NTMT2: variants seen among roughly 807,000 people sequenced by gnomAD.
The protein encoded by NTMT2 is N-terminal Xaa-Pro-Lys N-methyltransferase 2.
NTMT2 carries 21 observed loss-of-function variants against 23.4 expected under a neutral mutation model. The ratio of observed to expected loss-of-function variants is 0.90; its 90% CI spans 0.64 to 1.29. The LOEUF (loss-of-function observed/expected upper bound fraction) is 1.29, where lower values mean the gene tolerates loss of function less well. NTMT2 is among the 50% of genes most tolerant of loss of function. NTMT2 has a pLI of 0.00. For missense variants in NTMT2, 336 were observed against 352.0 expected (o/e 0.95, Z 0.36); for synonymous variants, 131 against 127.7 (o/e 1.03, Z -0.17).
chr1:170,152,465 C>G (rs1050931456), intron 1 of NTMT2, among the ~76,000 whole-genome samples: 1 of 152,170 alleles, frequency 6.6e-6, no homozygotes, highest in African/African-American at 2.4e-5. Flanking sequence ...AGTAGATTGT[C>G]TTTCCCCAAT....
chr1:170,146,150 C>G lies in NTMT2; in HGVS notation c.43C>G (p.Gln15Glu). ...CCATTTTGCCTTTAGATCCCGCTGG[C>G]AGAAGACCGACGATGAACTCTGTAG... ...GAHFAFRSRW[Q>E]KTDDELCRHS... is the part of the protein sequence containing the mutation. The change falls in exon 1 of 4, where the codon CAG (glutamine) becomes GAG (glutamate). Residue 15 changes from glutamine to glutamate, a missense_variant. Coordinates refer to ENST00000439373, the MANE Select transcript of NTMT2 (RefSeq NM_001136107.2). 1 of 1,551,496 alleles carries G rather than the reference C, an allele frequency of 6.4e-7. No homozygotes were observed.
intron 1 of NTMT2, among the ~76,000 whole-genome samples, chr1:170,146,740 C>T (rs531673242): frequency 4.1e-4 from 62 of 152,248 alleles, no homozygotes; most frequent in East Asian, 5.8e-4. Flanking sequence ...CAATCCTCTG[C>T]GGTCTTCTTG....
At position 170,145,973 on chromosome 1, in the gene NTMT2, C is replaced by T; in HGVS notation, c.-135C>T. 1 of 823,844 alleles carries T rather than the reference C, an allele frequency of 1.2e-6. No individual in the cohort carries two copies. The highest frequency in any genetic ancestry group is 1.8e-6 in the Non-Finnish European group (1 of 544,418). The allele number at this position is 823,844 out of a possible 1,614,324, so 51.0% of individuals were successfully genotyped here. A position where few individuals can be genotyped will look rare whatever the true frequency, so the allele number is the denominator to read the frequency against. On this transcript the variant is annotated 5_prime_UTR_variant, in exon 1 of 4. Coordinates refer to ENST00000439373, the MANE Select transcript of NTMT2 (RefSeq NM_001136107.2). ...CCCTCCTCCCCACACCCATGACAGC[C>T]TGTCCTGATATAGATGGAGAGGGGA...
In NTMT2 at chr1:170,166,534, G is replaced by A. The variant is rs1272098058; in HGVS notation, c.363G>A (p.Leu121=). The A allele has an allele frequency of 1.3e-6, 2 of 1,552,260 alleles. No homozygotes were observed. The highest frequency in any genetic ancestry group is 8.7e-7 in the Non-Finnish European group (1 of 1,147,126). The change falls in exon 3 of 4, where the codon TTG becomes TTA. Residue 121 remains leucine, a synonymous_variant. Coordinates refer to ENST00000439373, the MANE Select transcript of NTMT2 (RefSeq NM_001136107.2). ...GGAGAGCTGGAACAGACTGCGCCTT[G>A]GACTGCGGCTCCGGGATAGGAAGGG... The part of the protein sequence containing the change: ...GPGRAGTDCA[L]DCGSGIGRVS...
chr1:170,157,570 G>T (rs1033323513), intron 1 of NTMT2, among the ~76,000 whole-genome samples: 1 of 151,880 alleles, frequency 6.6e-6, no homozygotes, highest in Non-Finnish European at 1.5e-5. Context: ...TGTATTTTTT[G>T]GATTTTTAAC....
chr1:170,156,634 T>C (rs1181882637), intron 1 of NTMT2, among the ~76,000 whole-genome samples: 1 of 152,150 alleles, frequency 6.6e-6, no homozygotes, highest in African/African-American at 2.4e-5. Context: ...AAAAGCCATG[T>C]GCTGGTGACT....
rs1241937285 is a variant in NTMT2, at chr1:170,166,768, T to A, written c.580+17T>A. On this transcript the variant is annotated intron_variant, in intron 3 of 3. Transcript: ENST00000439373. ...GGGTCTCTGGTTAGTCCTGCATGAC[T>A]TTCCCTCTGCTTTTCTCCCCTTCTC... 3 of 1,550,132 alleles carry A rather than the reference T, an allele frequency of 1.9e-6. No individual in the cohort carries two copies. The African/African-American group carries it at 4.1e-5, about 21-fold the overall frequency.
intron 2 of NTMT2, among the ~76,000 whole-genome samples, chr1:170,164,801 T>C (rs531450149): frequency 6.6e-6 from 1 of 152,344 alleles, no homozygotes; most frequent in Non-Finnish European, 1.5e-5. Flanking sequence ...CTATGAAATA[T>C]TAGAAATCTG....
Position 170,148,825 on chromosome 1 carries a change from A to T in NTMT2, c.154+2564A>T, listed in dbSNP as rs114423332. On this transcript the variant is annotated intron_variant, in intron 1 of 3. Coordinates refer to ENST00000439373, the MANE Select transcript of NTMT2 (RefSeq NM_001136107.2). Reference sequence around the variant, plus strand: ...AGGCTTTGCCAGCTGGAACATCACTAGTCACCAGGCAAGCAAATAGAGCAG... The same window carrying T: ...AGGCTTTGCCAGCTGGAACATCACTTGTCACCAGGCAAGCAAATAGAGCAG... 3.4e-3 allele frequency among the ~76,000 whole-genome samples: 517 copies of T among 152,294 alleles called. 1 individual carries two copies. The highest frequency in any genetic ancestry group is 0.012 in the African/African-American group (486 of 41,562).
At position 170,166,712 on chromosome 1, in the gene NTMT2, T is replaced by A; in HGVS notation, c.541T>A (p.Phe181Ile). Residue 181 changes from phenylalanine (F) to isoleucine (I), a missense_variant, in exon 3 of 4, where the codon TTC (phenylalanine) becomes ATC (isoleucine). Phe to Ile is a conservative substitution (Grantham distance 21). Transcript: ENST00000439373. The part of the protein sequence containing the change: ...CYSLQEFTPP[F>I]RRYDVIWIQW... ...CAGCCTGCAGGAATTCACACCCCCC[T>A]TCAGGAGATATGATGTCATCTGGAT... is the stretch of plus-strand genomic sequence containing the variant. 3.9e-6 allele frequency: 6 copies of A among 1,552,286 alleles called. No individual in the cohort carries two copies. Among genetic ancestry groups the A allele is most frequent in the Non-Finnish European group, 5.2e-6 (6 of 1,147,106 alleles).
rs1673444045 is a variant in NTMT2 at position 170,168,509 on chromosome 1, G to A, written c.*752G>A. On this transcript the variant is annotated 3_prime_UTR_variant, in exon 4 of 4. Transcript: ENST00000439373. ...TAATTTTCTCTTTAGCCTTTCTCTT[G>A]GCAGAAAAGGTATTTGGTTTCACTT... 5.3e-5 allele frequency among the ~76,000 whole-genome samples: 8 copies of A among 152,124 alleles called. No homozygotes were observed. In the South Asian group the frequency reaches 1.7e-3, roughly 32 times the overall value.
At chr1:170,160,459 A>G in intron 1 of NTMT2, 59 bp from the exon 2 acceptor site, 1 of 1,348,942 alleles carries the variant, frequency 7.4e-7, no homozygotes. Context: ...GCAATGCATA[A>G]AGCTGAGATT....
intron 2 of NTMT2, among the ~76,000 whole-genome samples, chr1:170,166,125 C>CTTTT (rs1420113193): frequency 1.4e-3 from 155 of 112,386 alleles, no homozygotes; most frequent in Middle Eastern, 5.8e-3. Flanking sequence ...AATTTTCTTT[C>CTTTT]TTTTTTTTTT....
chr1:170,155,193 G>GA (rs1321233039), intron 1 of NTMT2, among the ~76,000 whole-genome samples: 2 of 152,066 alleles, frequency 1.3e-5, no homozygotes, highest in Non-Finnish European at 2.9e-5. Flanking sequence ...CTCAGTCTCA[G>GA]GTGTTTCTTT....
intron 1 of NTMT2, among the ~76,000 whole-genome samples, chr1:170,154,423 C>A (rs1320280468): frequency 6.6e-6 from 1 of 152,166 alleles, no homozygotes; most frequent in African/African-American, 2.4e-5. Context: ...TCAGTATGGA[C>A]TAGCCCAGGA....
intron 1 of NTMT2, among the ~76,000 whole-genome samples, chr1:170,160,010 G>T (rs1217067683): frequency 1.3e-5 from 2 of 152,050 alleles, no homozygotes; most frequent in Non-Finnish European, 2.9e-5. Context: ...CTGTAATATT[G>T]ATATGAAGAC....
chr1:170,156,473 G>A lies in NTMT2; in HGVS notation c.155-4045G>A, dbSNP rs989919436. 1.1e-4 allele frequency among the ~76,000 whole-genome samples: 17 copies of A among 152,132 alleles called. 1 individual carries two copies. In the South Asian group the frequency reaches 2.9e-3, roughly 26 times the overall value. On this transcript the variant is annotated intron_variant, in intron 1 of 3. Coordinates refer to ENST00000439373, the MANE Select transcript of NTMT2 (RefSeq NM_001136107.2). ...TTTCACCACAAGTAAACAGTGGAAG[G>A]TCCTTGGGAATTCAACTAATAATGT...
intron 1 of NTMT2, among the ~76,000 whole-genome samples, chr1:170,159,834 C>A (rs914248101): frequency 6.6e-6 from 1 of 152,132 alleles, no homozygotes; most frequent in Non-Finnish European, 1.5e-5. Flanking sequence ...CTCATTTATT[C>A]CTCAGAAGTT....
intron 2 of NTMT2, among the ~76,000 whole-genome samples, chr1:170,164,276 G>C (rs1311088232): frequency 6.6e-6 from 1 of 152,184 alleles, no homozygotes; most frequent in East Asian, 1.9e-4. Flanking sequence ...TATTGTTCCA[G>C]GATTCTACTT....
Sources: allele counts gnomAD v4.1 joint callset (sites outside exome capture counted in the v4.1 genomes callset), GRCh38; gene constraint gnomAD v4.1.1; transcripts MANE v1.5; gene names NCBI Gene and HGNC (gene_info 2026-07-23, HGNC 2026-07-21).